MTUS1: variants seen among roughly 807,000 people sequenced by gnomAD.
The protein encoded by MTUS1 is microtubule associated scaffold protein 1, also known as microtubule-associated tumor suppressor 1.
Under a neutral mutation model 120.8 loss-of-function variants are expected in MTUS1, and 109 were observed. The ratio of observed to expected loss-of-function variants is 0.90; its 90% CI spans 0.77 to 1.06. The LOEUF (loss-of-function observed/expected upper bound fraction) is 1.06. Ranked by LOEUF, MTUS1 falls within the 50% of genes least tolerant of loss-of-function variation. MTUS1 has a pLI of 0.00. For synonymous variants in MTUS1, 737 were observed against 550.5 expected, an observed-to-expected ratio of 1.34 and a Z score of -4.74; for missense variants, 2,210 against 1,486.3, an observed-to-expected ratio of 1.49 and a Z score of -8.01.
intron 7 of MTUS1, among the ~76,000 whole-genome samples, chr8:17,682,290 C>T (rs1379107906): frequency 5.3e-5 from 8 of 152,058 alleles, no homozygotes; most frequent in African/African-American, 1.4e-4. Context: ...CCGAGGTGAG[C>T]GGATCACCTG....
Position 17,743,619 on chromosome 8 carries a change from G to T in MTUS1, c.2272C>A (p.Arg758Ser), listed in dbSNP as rs752012836. 2 of 1,613,718 alleles carry T rather than the reference G, an allele frequency of 1.2e-6. No homozygotes were observed. Among genetic ancestry groups the T allele is most frequent in the Admixed American group, 3.3e-5 (2 of 59,962 alleles). Residue 758 changes from arginine to serine, a missense_variant, in exon 3 of 15, where the codon CGT (arginine) becomes AGT (serine). Physicochemically the swap from Arg to Ser is moderately radical, Grantham distance 110. Transcript: ENST00000693296. ...TTATTCTTACCAGAACTGGACACAC[G>T]CCTGATCCTCTGAGGAGATACGGCT... is the stretch of plus-strand genomic sequence containing the variant. The part of the protein sequence containing the change: ...DRAVSPQRIR[R>S]VSSSGKPTSL...
intron 4 of MTUS1, among the ~76,000 whole-genome samples, chr8:17,721,109 A>G (rs2045804393): frequency 6.6e-6 from 1 of 152,192 alleles, no homozygotes; most frequent in South Asian, 2.1e-4. Context: ...TCACATCACA[A>G]AGAAACAAGC....
intron 1 of MTUS1, among the ~76,000 whole-genome samples, chr8:17,790,059 A>C (rs1356856339): frequency 6.6e-6 from 1 of 152,152 alleles, no homozygotes; most frequent in African/African-American, 2.4e-5. Context: ...ACTTTTAAAA[A>C]AAGTTTCAAC....
chr8:17,668,257 G>A (rs543765773), intron 8 of MTUS1, among the ~76,000 whole-genome samples: 3 of 152,204 alleles, frequency 2.0e-5, no homozygotes, highest in African/African-American at 7.2e-5. Context: ...GCTAGTGTTA[G>A]TGCATTTTAT....
intron 1 of MTUS1, among the ~76,000 whole-genome samples, chr8:17,792,603 C>A (rs1170161223): frequency 3.3e-5 from 5 of 152,246 alleles, no homozygotes; most frequent in Non-Finnish European, 7.3e-5. Flanking sequence ...GTGGCTTACG[C>A]CTGTAATCCC....
chr8:17,774,833 G>C (rs368805077), intron 1 of MTUS1, among the ~76,000 whole-genome samples: 4 of 152,012 alleles, frequency 2.6e-5, no homozygotes, highest in East Asian at 3.9e-4. Context: ...ACCATCAAAG[G>C]TGTCAGTGGC....
At chr8:17,703,437 T>C (rs1819508391) in intron 6 of MTUS1, among the ~76,000 whole-genome samples, 1 of 151,952 alleles carries the variant, frequency 6.6e-6, no homozygotes, top group African/African-American at 2.4e-5. Context: ...ATCGAGACCA[T>C]CCTGGTTAAC....
chr8:17,763,944 A>C (rs2049253885), intron 1 of MTUS1, among the ~76,000 whole-genome samples: 1 of 152,216 alleles, frequency 6.6e-6, no homozygotes. Flanking sequence ...AACGTGTTAA[A>C]GATGACGGAA....
At position 17,655,914 on chromosome 8, in the gene MTUS1, CCGAAGCTTTTCATACT is replaced by C; in HGVS notation, c.3041_3056del (p.Glu1014GlyfsTer22). The C allele has an allele frequency of 6.2e-7, 1 of 1,614,168 alleles. No individual in the cohort carries two copies. Among genetic ancestry groups the C allele is most frequent in the Non-Finnish European group, 8.5e-7 (1 of 1,180,044 alleles). ...TCTCTGCTTCTTCAATGTAAGTGTCCCGAAGCTTTTCATACTCCCTGGTGTAAAACTCTTTAAGCCG... is the reference window on the plus strand; with the variant it reads ...TCTCTGCTTCTTCAATGTAAGTGTCCCCCTGGTGTAAAACTCTTTAAGCCG... On this transcript the variant is annotated frameshift_variant, in exon 9 of 15. Coordinates refer to ENST00000693296, the MANE Select transcript of MTUS1 (RefSeq NM_001363059.2). LOFTEE classifies it high-confidence loss of function.
At chr8:17,676,508 C>T in intron 7 of MTUS1, 1 of 592,078 alleles carries the variant, frequency 1.7e-6, no homozygotes, top group Non-Finnish European at 3.0e-6. Flanking sequence ...GGATTCCTCA[C>T]TCACAGAAGC....
At chr8:17,718,284 C>G (rs1173553731) in intron 4 of MTUS1, among the ~76,000 whole-genome samples, 1 of 152,126 alleles carries the variant, frequency 6.6e-6, no homozygotes, top group Non-Finnish European at 1.5e-5. Context: ...GTCATTATAT[C>G]CAAACAATAA....
chr8:17,704,824 G>C (rs1192133945), intron 6 of MTUS1, among the ~76,000 whole-genome samples: 1 of 152,018 alleles, frequency 6.6e-6, no homozygotes, highest in Non-Finnish European at 1.5e-5. Flanking sequence ...TTTTGATAGG[G>C]ATTGCACTGA....
chr8:17,777,982 T>A (rs2131501043), intron 1 of MTUS1, among the ~76,000 whole-genome samples: 1 of 152,260 alleles, frequency 6.6e-6, no homozygotes, highest in Middle Eastern at 3.4e-3. Flanking sequence ...CTATGTAAAA[T>A]ATGTAGAAAA....
rs1436451393 is a variant in MTUS1, at chr8:17,723,769, T to C, written c.2352A>G (p.Lys784=). ...CAGGACTTTTCAAAGATGCTTTGGA[T>C]TTAGGAAGTGGTCTAGGCAAATTCA... ...SWVNLPRPLP[K]SKASLKSPAL... The change falls in exon 4 of 15, where the codon AAA becomes AAG. Residue 784 remains lysine (K), a synonymous_variant. Transcript: ENST00000693296. The C allele has an allele frequency of 6.2e-7, 1 of 1,610,042 alleles. No individual in the cohort carries two copies. Among genetic ancestry groups the C allele is most frequent in the East Asian group, 2.2e-5 (1 of 44,872 alleles).
At chr8:17,732,777 C>T (rs112415090) in intron 3 of MTUS1, among the ~76,000 whole-genome samples, 17 of 152,228 alleles carry the variant, frequency 1.1e-4, no homozygotes, top group African/African-American at 3.9e-4. Context: ...CATGTTCATC[C>T]GTGACTCCTC....
In MTUS1 at chr8:17,754,745, G is replaced by T; in HGVS notation, c.1063C>A (p.Pro355Thr). The change falls in exon 2 of 15, where the codon CCA (proline) becomes ACA (threonine). Residue 355 changes from proline (P) to threonine (T), a missense_variant. By Grantham distance (38) the Pro-to-Thr change is conservative. Coordinates refer to ENST00000693296, the MANE Select transcript of MTUS1 (RefSeq NM_001363059.2). ...LIDDECPLMVPAFDKSEAQVL... is the reference protein window; with the variant it reads ...LIDDECPLMVTAFDKSEAQVL... ...TGAGCTTCGCTCTTATCAAAAGCTG[G>T]CACCATTAAAGGGCATTCATCATCA... is the stretch of plus-strand genomic sequence containing the variant. 6.2e-7 allele frequency: 1 copy of T among 1,614,180 alleles called. No individual in the cohort carries two copies. The highest frequency in any genetic ancestry group is 1.1e-5 in the South Asian group (1 of 91,080).
At chr8:17,751,572 AG>A (rs1223831367) in intron 2 of MTUS1, among the ~76,000 whole-genome samples, 4 of 151,400 alleles carry the variant, frequency 2.6e-5, no homozygotes, top group Non-Finnish European at 5.9e-5. Context: ...TCGTGAAAAA[AG>A]AGTAGGCCGG....
In MTUS1 at chr8:17,645,759, G is replaced by C. The variant is rs1805646893; in HGVS notation, c.*167C>G. The C allele has an allele frequency of 1.2e-6, 1 of 846,506 alleles. No individual in the cohort carries two copies. The highest frequency in any genetic ancestry group is 1.7e-6 in the Non-Finnish European group (1 of 595,624). The allele number at this position is 846,506 out of a possible 1,614,324, so 52.4% of individuals were successfully genotyped here. A position where few individuals can be genotyped will look rare whatever the true frequency, so the allele number is the denominator to read the frequency against. On this transcript the variant is annotated 3_prime_UTR_variant, in exon 15 of 15. Transcript: ENST00000693296. ...GGACGGAGGCAAAAGTCTTCCTCCA[G>C]AGTTCCAGTCTCAGAAGCTGCGATT...
intron 6 of MTUS1, among the ~76,000 whole-genome samples, chr8:17,692,999 G>T (rs760290477): frequency 6.6e-6 from 1 of 152,162 alleles, no homozygotes; most frequent in Non-Finnish European, 1.5e-5. Context: ...AAAGAATTCT[G>T]TCTTTAGCGT....
Sources: allele counts gnomAD v4.1 joint callset (sites outside exome capture counted in the v4.1 genomes callset), GRCh38; gene constraint gnomAD v4.1.1; transcripts MANE v1.5; gene names NCBI Gene and HGNC (gene_info 2026-07-23, HGNC 2026-07-21).